Variants in TTLL5 observed in about 807,000 individuals in gnomAD.
TTLL5 encodes tubulin tyrosine ligase like 5, also known as tubulin polyglutamylase TTLL5.
Under a neutral mutation model 168.4 loss-of-function variants are expected in TTLL5, and 132 were observed. The observed-to-expected ratio is 0.78, with a 90% CI of 0.68 to 0.91. The LOEUF (loss-of-function observed/expected upper bound fraction) is 0.91. Among genes scored for constraint, TTLL5 ranks in the 40% least tolerant of loss-of-function variants. The pLI, the probability that TTLL5 is intolerant of heterozygous loss-of-function variation, is 0.00. For missense variants in TTLL5, 1,545 were observed against 1,581.5 expected (o/e 0.98, Z 0.39); for synonymous variants, 546 against 558.6 (o/e 0.98, Z 0.32).
At position 75,745,202 on chromosome 14, in the gene TTLL5, G is replaced by T. The variant is rs972895719; in HGVS notation, c.1389G>T (p.Met463Ile). The T allele has an allele frequency of 2.5e-6, 4 of 1,613,942 alleles. No individual in the cohort carries two copies. The highest frequency in any genetic ancestry group is 1.7e-4 in the Middle Eastern group (1 of 6,058). Residue 463 changes from methionine (M) to isoleucine (I), a missense_variant, in exon 16 of 32, where the codon ATG becomes ATT. Transcript: ENST00000298832. ...GTGGTTCTGTGCTTGGTCTGTCAAT[G>T]GAGGAGGTAAAGATAAGTTCATTTT... ...KLGGSVLGLS[M>I]EEIKVLRRVK...
At chr14:75,671,606 T>A (rs893324124) in intron 3 of TTLL5, among the ~76,000 whole-genome samples, 4 of 152,192 alleles carry the variant, frequency 2.6e-5, no homozygotes, top group African/African-American at 9.6e-5. Flanking sequence ...TGTACCCCCT[T>A]GGTTAAATTT....
intron 2 of TTLL5, among the ~76,000 whole-genome samples, chr14:75,665,791 G>T (rs1288073732): frequency 6.6e-6 from 1 of 152,196 alleles, no homozygotes; most frequent in Non-Finnish European, 1.5e-5. Flanking sequence ...GGCAGAGGTT[G>T]CAGTGAGCCG....
chr14:75,816,420 AAAT>A (rs1273223932), intron 27 of TTLL5, among the ~76,000 whole-genome samples: 2 of 152,228 alleles, frequency 1.3e-5, no homozygotes, highest in Non-Finnish European at 2.9e-5. Context: ...CCAAACAAGA[AAAT>A]AAAACCATAA....
At chr14:75,797,095 T>C (rs1893035521) in intron 27 of TTLL5, among the ~76,000 whole-genome samples, 1 of 152,212 alleles carries the variant, frequency 6.6e-6, no homozygotes, top group African/African-American at 2.4e-5. Context: ...GTGATTCCTT[T>C]CAGCAGTGTT....
chr14:75,948,674 C>T (rs1312302071), intron 31 of TTLL5, among the ~76,000 whole-genome samples: 2 of 151,500 alleles, frequency 1.3e-5, no homozygotes, highest in African/African-American at 4.9e-5. Flanking sequence ...AAAGTAAAAA[C>T]CAAAAATAAT....
chr14:75,712,559 G>A (rs1430987397), intron 9 of TTLL5: 4 of 149,114 alleles, frequency 2.7e-5, no homozygotes, highest in Admixed American at 2.7e-4. Flanking sequence ...ACTGGTTTTT[G>A]AATAGGGGAA....
intron 30 of TTLL5, among the ~76,000 whole-genome samples, chr14:75,884,765 G>T (rs994389020): frequency 6.6e-6 from 1 of 151,964 alleles, no homozygotes; most frequent in African/African-American, 2.4e-5. Flanking sequence ...GCGTTTTGGG[G>T]ACCCCAGTGT....
intron 27 of TTLL5, among the ~76,000 whole-genome samples, chr14:75,811,156 A>AGTGT (rs148883248): frequency 6.9e-5 from 8 of 116,518 alleles, no homozygotes; most frequent in African/African-American, 1.0e-4. Flanking sequence ...TGAAAGAAAG[A>AGTGT]GTGTGTGTGT....
At chr14:75,802,990 A>G (rs996910742) in intron 27 of TTLL5, among the ~76,000 whole-genome samples, 1 of 152,358 alleles carries the variant, frequency 6.6e-6, no homozygotes, top group African/African-American at 2.4e-5. Flanking sequence ...AGGATGTCAC[A>G]GGATGGAGAG....
chr14:75,746,955 A>G (rs1566586370), intron 17 of TTLL5, among the ~76,000 whole-genome samples: 2 of 152,094 alleles, frequency 1.3e-5, no homozygotes, highest in Admixed American at 6.6e-5. Context: ...TTCTTCATCT[A>G]TGGGCTTATA....
chr14:75,727,901 C>T (rs1888284934), intron 12 of TTLL5: 2 of 470,024 alleles, frequency 4.3e-6, no homozygotes, highest in Non-Finnish European at 4.3e-6. Context: ...ACAAGGAGTC[C>T]TTTTGGGGTG....
intron 28 of TTLL5, among the ~76,000 whole-genome samples, chr14:75,836,951 GT>G (rs1895902299): frequency 6.6e-6 from 1 of 152,168 alleles, no homozygotes; most frequent in Non-Finnish European, 1.5e-5. Flanking sequence ...ATTTATCAAT[GT>G]GATTGCATTG....
In TTLL5 at chr14:75,783,159, C is replaced by T; in HGVS notation, c.2615C>T (p.Ser872Leu). 6.2e-7 allele frequency: 1 copy of T among 1,608,756 alleles called. No individual in the cohort carries two copies. Among genetic ancestry groups the T allele is most frequent in the African/African-American group, 1.3e-5 (1 of 74,974 alleles). ...HSDKLSRFTTSAEKEAKLVYS... is the reference protein window; with the variant it reads ...HSDKLSRFTTLAEKEAKLVYS... ...TTGTTTTTAATAGGATTTACCACTT[C>T]AGCAGAAAAAGAGGCAAAATTAGTT... The change falls in exon 26 of 32, where the codon TCA (serine) becomes TTA (leucine). Residue 872 changes from serine (S) to leucine (L), a missense_variant. Physicochemically the swap from Ser to Leu is moderately radical, Grantham distance 145 (BLOSUM62 -2). Coordinates refer to ENST00000298832, the MANE Select transcript of TTLL5 (RefSeq NM_015072.5).
At chr14:75,683,838 A>G (rs945619355) in intron 5 of TTLL5, 182 bp downstream of exon 5, 1 of 455,496 alleles carries the variant, frequency 2.2e-6, no homozygotes, top group African/African-American at 2.1e-5. Context: ...CAGTGGCATG[A>G]TCTTGGCTCA....
At chr14:75,720,256 TGAGCA>T (rs1226466897) in intron 11 of TTLL5, among the ~76,000 whole-genome samples, 1 of 152,206 alleles carries the variant, frequency 6.6e-6, no homozygotes, top group African/African-American at 2.4e-5. Context: ...TGCTGAGCCT[TGAGCA>T]GAACGGGAAA....
chr14:75,795,012 TC>T (rs1892925492), intron 27 of TTLL5, among the ~76,000 whole-genome samples: 1 of 152,096 alleles, frequency 6.6e-6, no homozygotes, highest in South Asian at 2.1e-4. Context: ...TGCCACTGAC[TC>T]CTGTGTGATA....
chr14:75,737,156 G>GA (rs1267732074), intron 15 of TTLL5, among the ~76,000 whole-genome samples: 1 of 152,168 alleles, frequency 6.6e-6, no homozygotes, highest in Non-Finnish European at 1.5e-5. Context: ...GCAAACTCTA[G>GA]AAAATCTGTT....
Position 75,925,048 on chromosome 14 carries a change from G to A in TTLL5, c.3823+22824G>A, listed in dbSNP as rs796881518. ...CCAGTAGGGGCGGCCGGGCAGAGGC[G>A]CCCCTCACCTCCAGGATGGGGCGGC... On this transcript the variant is annotated intron_variant, in intron 31 of 31. Coordinates refer to ENST00000298832, the MANE Select transcript of TTLL5 (RefSeq NM_015072.5). Among the ~76,000 whole-genome samples, 211 of 146,086 alleles carry A rather than the reference G, an allele frequency of 1.4e-3. 6 individuals carry two copies. In the East Asian group the frequency reaches 0.02, roughly 14 times the overall value.
At chr14:75,952,001 A>G (rs1464341298) in intron 31 of TTLL5, among the ~76,000 whole-genome samples, 1 of 152,234 alleles carries the variant, frequency 6.6e-6, no homozygotes, top group African/African-American at 2.4e-5. Context: ...TAAAACAACA[A>G]TCCATGAAAT....
Sources: allele counts gnomAD v4.1 joint callset (sites outside exome capture counted in the v4.1 genomes callset), GRCh38; gene constraint gnomAD v4.1.1; transcripts MANE v1.5; gene names NCBI Gene and HGNC (gene_info 2026-07-23, HGNC 2026-07-21).